Variants in NDST3 observed in about 807,000 individuals in gnomAD.
NDST3 encodes the protein bifunctional heparan sulfate N-deacetylase/N-sulfotransferase 3.
Under a neutral mutation model 96.1 loss-of-function variants are expected in NDST3, and 58 were observed. The observed-to-expected ratio is 0.60, with a 90% CI of 0.49 to 0.75. The LOEUF (loss-of-function observed/expected upper bound fraction) is 0.75. Ranked by LOEUF, NDST3 falls within the 30% of genes least tolerant of loss-of-function variation. The pLI, the probability that NDST3 is intolerant of heterozygous loss-of-function variation, is 0.00. For synonymous variants in NDST3, 333 were observed against 359.7 expected (o/e 0.93, Z 0.84); for missense variants, 788 against 1,034.2 (o/e 0.76, Z 3.27).
intron 5 of NDST3, among the ~76,000 whole-genome samples, chr4:118,142,209 T>C (rs920213037): frequency 6.6e-6 from 1 of 151,998 alleles, no homozygotes; most frequent in Non-Finnish European, 1.5e-5. Flanking sequence ...TAATATTTTA[T>C]ACTTAAACAG....
At chr4:118,217,860 G>C (rs1450528188) in intron 6 of NDST3, among the ~76,000 whole-genome samples, 1 of 152,034 alleles carries the variant, frequency 6.6e-6, no homozygotes, top group Admixed American at 6.6e-5. Flanking sequence ...TGATAAAGGA[G>C]ATATCACCAC....
intron 6 of NDST3, among the ~76,000 whole-genome samples, chr4:118,153,630 C>T (rs1734544996): frequency 2.0e-5 from 3 of 152,198 alleles, no homozygotes; most frequent in South Asian, 2.1e-4. Flanking sequence ...CCCTGACCAG[C>T]CTGGCCAACA....
In NDST3 at chr4:118,137,937, CAATT is replaced by C. The variant is rs896111483; in HGVS notation, c.1225-114_1225-111del. 32 of 866,592 alleles carry C rather than the reference CAATT, an allele frequency of 3.7e-5. No homozygotes were observed. The Admixed American group carries it at 5.6e-4, about 15-fold the overall frequency. The allele number at this position is 866,592 out of a possible 1,614,324, so 53.7% of individuals were successfully genotyped here. On this transcript the variant is annotated intron_variant, in intron 4 of 13. Coordinates refer to ENST00000296499, the MANE Select transcript of NDST3 (RefSeq NM_004784.3). ...CTTATATCACTTTAATTTTACCACACAATTAAGTAATGATGCATTTAAATATATA... is the reference window on the plus strand; with the variant it reads ...CTTATATCACTTTAATTTTACCACACAAGTAATGATGCATTTAAATATATA...
chr4:118,106,529 G>T (rs796098415), intron 3 of NDST3, among the ~76,000 whole-genome samples: 8 of 151,870 alleles, frequency 5.3e-5, no homozygotes, highest in Admixed American at 2.0e-4. Context: ...TTGTAGAGAA[G>T]GGGTCTCACT....
intron 1 of NDST3, among the ~76,000 whole-genome samples, 170 bp from the exon 2 acceptor site, chr4:118,053,586 C>T (rs12502898): frequency 0.7 from 106,318 of 151,646 alleles, 39,498 homozygotes; most frequent in South Asian, 0.84. Flanking sequence ...CCTCTTTCTA[C>T]CAGTCCCATG....
At chr4:118,219,346 T>G (rs1205518661) in intron 6 of NDST3, among the ~76,000 whole-genome samples, 1 of 151,932 alleles carries the variant, frequency 6.6e-6, no homozygotes, top group Non-Finnish European at 1.5e-5. Flanking sequence ...AACAGACATA[T>G]AGACCAATGG....
At chr4:118,133,413 C>G (rs994130470) in intron 4 of NDST3, among the ~76,000 whole-genome samples, 1 of 152,176 alleles carries the variant, frequency 6.6e-6, no homozygotes, top group Non-Finnish European at 1.5e-5. Context: ...TAAATAGACC[C>G]TCCGCACTTC....
intron 3 of NDST3, among the ~76,000 whole-genome samples, chr4:118,111,535 ATTTTT>A (rs149834516): frequency 0.013 from 1,676 of 132,400 alleles, 15 homozygotes; most frequent in African/African-American, 0.036. Context: ...TTTAATCATG[ATTTTT>A]TTTTTTTTTT....
At chr4:118,174,624 A>T (rs776899067) in intron 6 of NDST3, among the ~76,000 whole-genome samples, 1 of 152,174 alleles carries the variant, frequency 6.6e-6, no homozygotes, top group Non-Finnish European at 1.5e-5. Flanking sequence ...TAACTTAAAC[A>T]TTTTTGTTTA....
intron 2 of NDST3, among the ~76,000 whole-genome samples, chr4:118,084,861 C>T (rs551077836): frequency 1.3e-3 from 193 of 152,284 alleles, no homozygotes; most frequent in Non-Finnish European, 2.3e-3. Flanking sequence ...TGGCTCACGC[C>T]TGTAATCCCA....
chr4:118,034,118 C>CA (rs1460489929), upstream of NDST3, among the ~76,000 whole-genome samples: 2 of 152,146 alleles, frequency 1.3e-5, no homozygotes, highest in Non-Finnish European at 2.9e-5. Context: ...AAGAAAAAAA[C>CA]AAACAGCCTC....
In NDST3 at chr4:118,156,675, T is replaced by A. The variant is rs192918498; in HGVS notation, c.1539+12991T>A. ...CTCCCAACATGGCATTTTATTGAAGTCATTGAGTTTATGAGAATATGCTCA... is the reference window on the plus strand; with the variant it reads ...CTCCCAACATGGCATTTTATTGAAGACATTGAGTTTATGAGAATATGCTCA... On this transcript the variant is annotated intron_variant, in intron 6 of 13. Coordinates refer to ENST00000296499, the MANE Select transcript of NDST3 (RefSeq NM_004784.3). Among the ~76,000 whole-genome samples, 28 of 152,350 alleles carry A rather than the reference T, an allele frequency of 1.8e-4. No homozygotes were observed. In the East Asian group the frequency reaches 4.8e-3, roughly 26 times the overall value.
At chr4:118,197,430 T>C (rs899252246) in intron 6 of NDST3, among the ~76,000 whole-genome samples, 5 of 151,404 alleles carry the variant, frequency 3.3e-5, no homozygotes, top group Non-Finnish European at 5.9e-5. Flanking sequence ...GCTATTATTA[T>C]ATTGGGGTCT....
At chr4:118,184,602 T>TACACACAC (rs562099266) in intron 6 of NDST3, among the ~76,000 whole-genome samples, 32,278 of 138,138 alleles carry the variant, frequency 0.23, 4,535 homozygotes, top group Admixed American at 0.31. Flanking sequence ...TCTCTCTCTC[T>TACACACAC]ACACACACAC....
At chr4:118,246,855 C>G (rs940804294) in intron 12 of NDST3, among the ~76,000 whole-genome samples, 1 of 152,142 alleles carries the variant, frequency 6.6e-6, no homozygotes. Flanking sequence ...GCCCTTGACA[C>G]GTGGGGATTA....
intron 6 of NDST3, among the ~76,000 whole-genome samples, chr4:118,160,824 T>C (rs1376112519): frequency 6.6e-6 from 1 of 152,132 alleles, no homozygotes; most frequent in African/African-American, 2.4e-5. Context: ...AATTTCCTCC[T>C]GTAGCTCGGA....
chr4:118,225,558 T>C (rs1359304883), intron 7 of NDST3, among the ~76,000 whole-genome samples: 1 of 152,196 alleles, frequency 6.6e-6, no homozygotes, highest in Non-Finnish European at 1.5e-5. Context: ...GAATCAGTTG[T>C]AGGCCATCTG....
Position 118,255,765 on chromosome 4 carries a change from A to C in NDST3, c.*53A>C, listed in dbSNP as rs1742083911. The C allele has an allele frequency of 1.4e-6, 2 of 1,474,094 alleles. No homozygotes were observed. The highest frequency in any genetic ancestry group is 2.8e-5 in the South Asian group (2 of 70,878). The allele number at this position is 1,474,094 out of a possible 1,614,324, so 91.3% of individuals were successfully genotyped here. ...GTCCATGTAGAACACACCTTTTCCA[A>C]AGCTTCCAGAAGCTACCAAAAGGCA... On this transcript the variant is annotated 3_prime_UTR_variant, in exon 14 of 14. Coordinates refer to ENST00000296499, the MANE Select transcript of NDST3 (RefSeq NM_004784.3).
chr4:118,249,505 C>T (rs990622212), intron 12 of NDST3, among the ~76,000 whole-genome samples: 1 of 152,068 alleles, frequency 6.6e-6, no homozygotes, highest in African/African-American at 2.4e-5. Flanking sequence ...AGTTGCCTTA[C>T]CGATTCAAAC....
Sources: allele counts gnomAD v4.1 joint callset (sites outside exome capture counted in the v4.1 genomes callset), GRCh38; gene constraint gnomAD v4.1.1; transcripts MANE v1.5; gene names NCBI Gene and HGNC (gene_info 2026-07-23, HGNC 2026-07-21).